Variants in CCDC102B observed in about 807,000 individuals in gnomAD.
The protein encoded by CCDC102B is coiled-coil domain-containing protein 102B.
A neutral mutation model predicts 57.4 loss-of-function variants in CCDC102B; 75 were observed. The observed-to-expected ratio is 1.31, with a 90% CI of 1.08 to 1.58. CCDC102B has a LOEUF of 1.58. CCDC102B is among the 40% of genes most tolerant of loss of function. The probability of loss-of-function intolerance (pLI) is 0.00; values close to 1 mark genes in which losing one functional copy is unlikely to be tolerated. For missense variants in CCDC102B, 636 were observed against 582.6 expected, an observed-to-expected ratio of 1.09 and a Z score of -0.94; for synonymous variants, 206 against 201.9, an observed-to-expected ratio of 1.02 and a Z score of -0.17.
intron 6 of CCDC102B, among the ~76,000 whole-genome samples, chr18:68,935,777 G>A (rs1444860428): frequency 1.3e-5 from 2 of 151,836 alleles, no homozygotes; most frequent in Admixed American, 1.3e-4. Context: ...CCAGTGTTGA[G>A]GAGTAAGATG....
At position 69,033,331 on chromosome 18, in the gene CCDC102B, A is replaced by G. The variant is rs577485686; in HGVS notation, c.1435-20699A>G. The stretch of plus-strand genomic sequence containing the variant: ...TTTGCCCATTTTAAGGGTTCAGTGC[A>G]ATTCAATAGTTATTAGTATCATCAT... On this transcript the variant is annotated intron_variant, in intron 7 of 7. Transcript: ENST00000360242. 1.7e-4 allele frequency among the ~76,000 whole-genome samples: 26 copies of G among 152,262 alleles called. No homozygotes were observed. In the East Asian group the frequency reaches 3.9e-3, roughly 23 times the overall value.
At chr18:68,838,681 AT>A (rs780505512) in intron 2 of CCDC102B, 24 bp from the exon 3 acceptor site, 200 of 1,601,464 alleles carry the variant, frequency 1.2e-4, no homozygotes, top group Non-Finnish European at 1.7e-4. Flanking sequence ...AGGTTTAAAT[AT>A]GTTTTGTTTT....
In CCDC102B at chr18:69,054,817, A is replaced by G; in HGVS notation, c.*680A>G. 2 of 985,348 alleles carry G rather than the reference A, an allele frequency of 2.0e-6. No homozygotes were observed. The highest frequency in any genetic ancestry group is 2.4e-6 in the Non-Finnish European group (2 of 829,908). 61.0% of individuals were successfully genotyped at this position (985,348 alleles called of 1,614,324 possible). ...ATCTGGATAGACATTTCTACAGTAA[A>G]ATCATGGAAAGGCATCAGCATTGCA... On this transcript the variant is annotated 3_prime_UTR_variant, in exon 8 of 8. Coordinates refer to ENST00000360242, the MANE Select transcript of CCDC102B (RefSeq NM_024781.3).
chr18:68,861,109 T>C (rs1307190388), intron 4 of CCDC102B, among the ~76,000 whole-genome samples: 1 of 138,210 alleles, frequency 7.2e-6, no homozygotes, highest in Non-Finnish European at 1.6e-5. Context: ...ATGTCTCTTT[T>C]TGTTTAGCTA....
intron 1 of CCDC102B, among the ~76,000 whole-genome samples, chr18:68,828,322 CAAA>C (rs58180806): frequency 0.017 from 1,352 of 80,716 alleles, 4 homozygotes; most frequent in African/African-American, 0.023. Flanking sequence ...ACCCTATTTA[CAAA>C]AAAAAAAAAA....
chr18:68,744,537 G>A (rs1045140372), intron 2 of CCDC102B, among the ~76,000 whole-genome samples: 1 of 152,164 alleles, frequency 6.6e-6, no homozygotes, highest in Admixed American at 6.5e-5. Context: ...TGGCACATTT[G>A]TTTTGGAGCC....
At chr18:68,797,814 T>A (rs546844673), upstream of CCDC102B, among the ~76,000 whole-genome samples, 45 of 151,248 alleles carry the variant, frequency 3.0e-4, no homozygotes, top group African/African-American at 1.1e-3. Context: ...CAAGTTATAC[T>A]GTTGTAATTA....
chr18:68,855,205 A>G, intron 4 of CCDC102B, among the ~76,000 whole-genome samples: 1 of 152,186 alleles, frequency 6.6e-6, no homozygotes, highest in East Asian at 1.9e-4. Context: ...AGGTTAGGAA[A>G]TTCGTCTTTG....
At position 69,003,101 on chromosome 18, in the gene CCDC102B, AT is replaced by A. The variant is rs551006056; in HGVS notation, c.1264-7825del. Among the ~76,000 whole-genome samples the A allele has an allele frequency of 3.9e-5, 6 of 151,936 alleles. No homozygotes were observed. The East Asian group carries it at 1.2e-3, about 29-fold the overall frequency. Reference sequence around the variant, plus strand: ...CTCCCCCAGACATCTGTCTCAAAATATTTTTTTTCCCACAAAGATAGTGTTT... The same window carrying A: ...CTCCCCCAGACATCTGTCTCAAAATATTTTTTTCCCACAAAGATAGTGTTT... On this transcript the variant is annotated intron_variant, in intron 6 of 7. Coordinates refer to ENST00000360242, the MANE Select transcript of CCDC102B (RefSeq NM_024781.3).
intron 5 of CCDC102B, among the ~76,000 whole-genome samples, chr18:68,891,651 T>C (rs913884653): frequency 1.3e-5 from 2 of 152,228 alleles, no homozygotes; most frequent in Non-Finnish European, 2.9e-5. Context: ...GTTCAGTCTC[T>C]GGTGAGGTCT....
At position 69,051,832 on chromosome 18, in the gene CCDC102B, A is replaced by C. The variant is rs542799200; in HGVS notation, c.1435-2198A>C. 3.3e-5 allele frequency among the ~76,000 whole-genome samples: 5 copies of C among 152,138 alleles called. No homozygotes were observed. The South Asian group carries it at 1.0e-3, about 31-fold the overall frequency. On this transcript the variant is annotated intron_variant, in intron 7 of 7. Coordinates refer to ENST00000360242, the MANE Select transcript of CCDC102B (RefSeq NM_024781.3). ...TGTACCTTTCAAAATGTGTTTGTAT[A>C]GGAAAAAAATAAAATTGGGTTTCTA...
chr18:69,007,424 A>G (rs1004200964), intron 6 of CCDC102B, among the ~76,000 whole-genome samples: 1 of 152,332 alleles, frequency 6.6e-6, no homozygotes. Context: ...AGTGATAAAC[A>G]TTTTTAAAAA....
At chr18:68,956,338 T>TAATATATATATAA (rs1250437261) in intron 6 of CCDC102B, among the ~76,000 whole-genome samples, 7 of 84,864 alleles carry the variant, frequency 8.2e-5, no homozygotes, top group South Asian at 2.6e-4. Context: ...ATATTATATA[T>TAATATATATATAA]AATATATATA....
chr18:68,878,691 A>G (rs544489681), intron 5 of CCDC102B, among the ~76,000 whole-genome samples: 1 of 152,290 alleles, frequency 6.6e-6, no homozygotes, highest in East Asian at 1.9e-4. Context: ...CTTGGATTCC[A>G]GGCTCCAGAA....
upstream of CCDC102B, among the ~76,000 whole-genome samples, chr18:68,793,277 T>C (rs929009758): frequency 1.3e-5 from 2 of 152,204 alleles, no homozygotes; most frequent in African/African-American, 4.8e-5. Context: ...GTCATTAAAA[T>C]TGTAGCCATT....
intron 1 of CCDC102B, among the ~76,000 whole-genome samples, chr18:68,801,605 T>C (rs2035856548): frequency 6.6e-6 from 1 of 152,126 alleles, no homozygotes. Flanking sequence ...TTTATAAATA[T>C]ATCTTATCAT....
chr18:68,917,669 C>T (rs2145096638), intron 6 of CCDC102B, among the ~76,000 whole-genome samples: 1 of 152,188 alleles, frequency 6.6e-6, no homozygotes, highest in Middle Eastern at 3.4e-3. Flanking sequence ...AATTTAAAAA[C>T]CTGCATATCA....
At chr18:69,000,193 A>G (rs1458188581) in intron 6 of CCDC102B, among the ~76,000 whole-genome samples, 1 of 152,204 alleles carries the variant, frequency 6.6e-6, no homozygotes, top group Non-Finnish European at 1.5e-5. Context: ...CAACAAATGT[A>G]TGTATAAAAA....
chr18:68,765,320 G>GAAAA (rs1568238728), intron 2 of CCDC102B, among the ~76,000 whole-genome samples: 4 of 40,618 alleles, frequency 9.8e-5, no homozygotes, highest in East Asian at 1.1e-3. Flanking sequence ...AAGGAAGGAA[G>GAAAA]GAAGGAAAGA....
Sources: gnomAD v4.1 joint callset for allele counts (sites outside exome capture counted in the v4.1 genomes callset) on GRCh38, gnomAD v4.1.1 for gene constraint, MANE v1.5 for transcripts, NCBI Gene and HGNC (gene_info 2026-07-23, HGNC 2026-07-21) for gene names.